EFCAB5: variants seen among roughly 807,000 people sequenced by gnomAD.
EFCAB5 encodes the protein EF-hand calcium-binding domain-containing protein 5.
Under a neutral mutation model 167.9 loss-of-function variants are expected in EFCAB5, and 131 were observed. The ratio of observed to expected loss-of-function variants is 0.78; its 90% CI spans 0.68 to 0.90. The LOEUF (loss-of-function observed/expected upper bound fraction) is 0.90. EFCAB5 is among the 40% of genes least tolerant of loss of function. The pLI is 0.00. For missense variants in EFCAB5, 1,663 were observed against 1,745.2 expected (o/e 0.95, Z 0.84); for synonymous variants, 574 against 602.8 (o/e 0.95, Z 0.70).
intron 14 of EFCAB5, chr17:30,069,630 G>A (rs568675542): frequency 1.2e-6 from 2 of 1,610,128 alleles, no homozygotes; most frequent in South Asian, 1.1e-5. Flanking sequence ...TGGTACCACA[G>A]CTAGCCTGGG....
intron 8 of EFCAB5, among the ~76,000 whole-genome samples, chr17:30,046,655 G>A (rs2069937773): frequency 6.6e-6 from 1 of 152,138 alleles, no homozygotes; most frequent in Non-Finnish European, 1.5e-5. Context: ...CATTTGGGTG[G>A]ACTCAGAGGA....
At chr17:30,008,180 A>G (rs1253612290) in intron 7 of EFCAB5, among the ~76,000 whole-genome samples, 1 of 152,222 alleles carries the variant, frequency 6.6e-6, no homozygotes, top group African/African-American at 2.4e-5. Flanking sequence ...AAATAAGAAA[A>G]TTGTTAAAGG....
At chr17:29,933,331 C>A (rs752914279) in intron 1 of EFCAB5, among the ~76,000 whole-genome samples, 1 of 152,210 alleles carries the variant, frequency 6.6e-6, no homozygotes, top group Non-Finnish European at 1.5e-5. Flanking sequence ...CCAGTACAGT[C>A]GCTTTGCGAA....
intron 14 of EFCAB5, chr17:30,069,167 C>T (rs1041209514): frequency 3.2e-5 from 50 of 1,544,976 alleles, no homozygotes; most frequent in Non-Finnish European, 4.2e-5. Flanking sequence ...ACAAGAGAAT[C>T]CACATCTTCT....
chr17:29,943,777 C>T lies in EFCAB5; in HGVS notation c.190+128C>T, dbSNP rs1026664538. ...TCATCAGAGGTCAGGAGTTCGAAACCAGCCTGGCCAACATGGTGAAACACC... is the reference window on the plus strand; with the variant it reads ...TCATCAGAGGTCAGGAGTTCGAAACTAGCCTGGCCAACATGGTGAAACACC... On this transcript the variant is annotated intron_variant, in intron 3 of 22. Coordinates refer to ENST00000394835, the MANE Select transcript of EFCAB5 (RefSeq NM_198529.4). The T allele has an allele frequency of 1.8e-5, 11 of 598,032 alleles. No individual in the cohort carries two copies. The Admixed American group carries it at 3.8e-4, about 21-fold the overall frequency. 37.0% of individuals were successfully genotyped at this position (598,032 alleles called of 1,614,324 possible).
chr17:29,969,053 C>A lies in EFCAB5; in HGVS notation c.453C>A (p.Leu151=), dbSNP rs1479152787. 1 of 1,608,608 alleles carries A rather than the reference C, an allele frequency of 6.2e-7. No homozygotes were observed. The highest frequency in any genetic ancestry group is 2.2e-5 in the East Asian group (1 of 44,822). ...KELEKKAEKK[L]PRDNLAKEWF... ...TAGAAAAAAAGGCTGAAAAAAAACT[C>A]CCTAGGGATAATTTGGCCAAAGAGT... The change falls in exon 4 of 23, where the codon CTC becomes CTA. Residue 151 remains leucine, a synonymous_variant. Transcript: ENST00000394835.
Position 30,080,914 on chromosome 17 carries a change from C to T in EFCAB5, c.3359C>T (p.Ala1120Val). The T allele has an allele frequency of 6.2e-7, 1 of 1,613,738 alleles. No individual in the cohort carries two copies. Among genetic ancestry groups the T allele is most frequent in the Non-Finnish European group, 8.5e-7 (1 of 1,179,850 alleles). ...DAYMRIFGVLAVDTLRDPHEI... is the reference protein window; with the variant it reads ...DAYMRIFGVLVVDTLRDPHEI... ...TATATGAGGATCTTTGGGGTCTTGG[C>T]TGTTGATACCCTTAGAGATCCCCAC... Residue 1120 changes from alanine to valine, a missense_variant, in exon 17 of 23, where the codon GCT becomes GTT. Transcript: ENST00000394835.
intron 14 of EFCAB5, among the ~76,000 whole-genome samples, chr17:30,067,168 G>A (rs2070594514): frequency 6.6e-6 from 1 of 152,212 alleles, no homozygotes; most frequent in African/African-American, 2.4e-5. Context: ...TATGAGGCCA[G>A]CATTATGCTA....
intron 1 of EFCAB5, 81 bp downstream of exon 1, chr17:29,941,919 A>G: frequency 7.7e-7 from 1 of 1,300,066 alleles, no homozygotes; most frequent in Non-Finnish European, 1.1e-6. Context: ...ATGCAATATC[A>G]CAGTCTATCA....
intron 4 of EFCAB5, among the ~76,000 whole-genome samples, chr17:29,988,096 C>T (rs1012849959): frequency 1.2e-4 from 18 of 152,092 alleles, no homozygotes; most frequent in Non-Finnish European, 2.6e-4. Context: ...GTGTTTGAGA[C>T]CAAAGGCTCA....
rs372026031 is a variant in EFCAB5 at position 29,945,896 on chromosome 17, CT to C, written c.190+2248del. On this transcript the variant is annotated intron_variant, in intron 3 of 22. Coordinates refer to ENST00000394835, the MANE Select transcript of EFCAB5 (RefSeq NM_198529.4). ...AAACCTTAAAATTCTATAAAATAAC[CT>C]AGGAAAAACTCTTTTGGACATTGGC... Among the ~76,000 whole-genome samples the C allele has an allele frequency of 1.5e-3, 221 of 152,118 alleles. 1 individual carries two copies. The highest frequency in any genetic ancestry group is 5.0e-3 in the African/African-American group (209 of 41,488).
chr17:30,072,895 C>A (rs187874977), intron 14 of EFCAB5, among the ~76,000 whole-genome samples: 164 of 152,104 alleles, frequency 1.1e-3, no homozygotes, highest in African/African-American at 3.8e-3. Flanking sequence ...TTCATTTATT[C>A]ATTTATAGCA....
At chr17:29,957,248 A>G (rs1298973840) in intron 3 of EFCAB5, among the ~76,000 whole-genome samples, 1 of 152,174 alleles carries the variant, frequency 6.6e-6, no homozygotes, top group African/African-American at 2.4e-5. Context: ...ATGATGTGTC[A>G]CAGTGATTAA....
intron 1 of EFCAB5, among the ~76,000 whole-genome samples, chr17:29,932,954 G>A (rs966909414): frequency 1.3e-5 from 2 of 152,090 alleles, no homozygotes; most frequent in Admixed American, 1.3e-4. Context: ...TCTCTTCCTG[G>A]TATATACCTT....
Position 30,097,134 on chromosome 17 carries a change from G to T in EFCAB5, c.4321+4198G>T, listed in dbSNP as rs184841623. Reference sequence around the variant, plus strand: ...TGCAGTGGCGCGATCTCGGCTCACCGCAACCTCTGCCTCCCAGGTTCAAGC... The same window carrying T: ...TGCAGTGGCGCGATCTCGGCTCACCTCAACCTCTGCCTCCCAGGTTCAAGC... On this transcript the variant is annotated intron_variant, in intron 22 of 22. Coordinates refer to ENST00000394835, the MANE Select transcript of EFCAB5 (RefSeq NM_198529.4). Among the ~76,000 whole-genome samples the T allele has an allele frequency of 9.0e-3, 1,339 of 149,316 alleles. 14 individuals are homozygous for T. Among genetic ancestry groups the T allele is most frequent in the African/African-American group, 0.028 (1,139 of 40,482 alleles).
In EFCAB5 at chr17:29,993,151, T is replaced by C. The variant is rs1486959974; in HGVS notation, c.768-14T>C. Reference sequence around the variant, plus strand: ...GTATTAACTCAACATGTTTTCTATATCTACATCCTGCAGAGTATCCAAGAT... The same window carrying C: ...GTATTAACTCAACATGTTTTCTATACCTACATCCTGCAGAGTATCCAAGAT... On this transcript the variant is annotated splice_polypyrimidine_tract_variant and intron_variant, in intron 4 of 22. Transcript: ENST00000394835. 1 of 1,594,474 alleles carries C rather than the reference T, an allele frequency of 6.3e-7. No individual in the cohort carries two copies. The highest frequency in any genetic ancestry group is 8.5e-7 in the Non-Finnish European group (1 of 1,169,958).
intron 8 of EFCAB5, among the ~76,000 whole-genome samples, chr17:30,036,138 T>G (rs2069610788): frequency 7.0e-6 from 1 of 142,474 alleles, no homozygotes; most frequent in African/African-American, 2.6e-5. Flanking sequence ...AGGCACTCTA[T>G]ATATAATATA....
At chr17:29,984,430 C>T (rs181108973) in intron 4 of EFCAB5, among the ~76,000 whole-genome samples, 36 of 151,960 alleles carry the variant, frequency 2.4e-4, no homozygotes, top group South Asian at 2.1e-4. Flanking sequence ...CTTTAAAATA[C>T]TCATTAAGGC....
At chr17:30,049,024 C>G (rs764160535) in intron 8 of EFCAB5, among the ~76,000 whole-genome samples, 17 of 151,926 alleles carry the variant, frequency 1.1e-4, no homozygotes, top group Admixed American at 2.0e-4. Context: ...TTTTCTCTAT[C>G]GTAATCTAGT....
Sources: gnomAD v4.1 joint callset for allele counts (sites outside exome capture counted in the v4.1 genomes callset) on GRCh38, gnomAD v4.1.1 for gene constraint, MANE v1.5 for transcripts, NCBI Gene and HGNC (gene_info 2026-07-23, HGNC 2026-07-21) for gene names.